The following BPIFB2 variants were observed in gnomAD, a reference collection of about 807,000 sequenced individuals.
BPIFB2 encodes the protein BPI fold containing family B member 2, also known as BPI fold-containing family B member 2.
Under a neutral mutation model 50.1 loss-of-function variants are expected in BPIFB2, and 39 were observed. The ratio of observed to expected loss-of-function variants is 0.78; its 90% CI spans 0.60 to 1.02. BPIFB2 has a LOEUF of 1.02. Ranked by LOEUF, BPIFB2 falls within the 50% of genes least tolerant of loss-of-function variation. The pLI is 0.00. For synonymous variants in BPIFB2, 280 were observed against 256.3 expected, an observed-to-expected ratio of 1.09 and a Z score of -0.88; for missense variants, 574 against 585.8, an observed-to-expected ratio of 0.98 and a Z score of 0.21.
chr20:33,019,515 G>C, intron 10 of BPIFB2, 65 bp from the exon 11 acceptor site: 3 of 1,485,018 alleles, frequency 2.0e-6, no homozygotes, highest in Non-Finnish European at 2.7e-6. Context: ...CATTTGAGGA[G>C]TGACTGACCA....
rs1216041150 is a variant in BPIFB2, at chr20:33,019,731, C to T, written c.1061C>T (p.Ser354Phe). 2 of 1,608,082 alleles carry T rather than the reference C, an allele frequency of 1.2e-6. No homozygotes were observed. Among genetic ancestry groups the T allele is most frequent in the East Asian group, 2.2e-5 (1 of 44,764 alleles). The change falls in exon 11 of 16, where the codon TCC (serine) becomes TTC (phenylalanine). Residue 354 changes from serine to phenylalanine, a missense_variant. Physicochemically the swap from Ser to Phe is radical, Grantham distance 155. Transcript: ENST00000170150. ...LATASNSAFQ[S>F]LFSLDVVVNL... The stretch of plus-strand genomic sequence containing the variant: ...ACAGCCTCCAACTCGGCTTTCCAGT[C>T]CCTCTTCTCCCTGGATGTGGTGAGT...
intron 4 of BPIFB2, 100 bp from the exon 5 acceptor site, chr20:33,013,710 G>A (rs1017052414): frequency 5.9e-5 from 88 of 1,488,472 alleles, no homozygotes; most frequent in Non-Finnish European, 7.7e-5. Context: ...TGGGCCAAGT[G>A]GAGGGCAGGC....
At chr20:33,015,639 G>A (rs943515070) in intron 6 of BPIFB2, 143 bp downstream of exon 6, 11 of 774,128 alleles carry the variant, frequency 1.4e-5, no homozygotes, top group Non-Finnish European at 2.0e-5. Flanking sequence ...TCCCCATGAA[G>A]GCAGGGAAAA....
At position 33,018,994 on chromosome 20, in the gene BPIFB2, G is replaced by C; in HGVS notation, c.856-68G>C. 5 of 1,605,920 alleles carry C rather than the reference G, an allele frequency of 3.1e-6. No individual in the cohort carries two copies. The South Asian group carries it at 5.5e-5, about 18-fold the overall frequency. On this transcript the variant is annotated intron_variant, in intron 9 of 15. Coordinates refer to ENST00000170150, the MANE Select transcript of BPIFB2 (RefSeq NM_025227.3). Reference sequence around the variant, plus strand: ...GCTATGGGGAGCGATTGCTCAGGGGGAAAGTGGTGATCTGTCTTGGGGAGC... The same window carrying C: ...GCTATGGGGAGCGATTGCTCAGGGGCAAAGTGGTGATCTGTCTTGGGGAGC...
intron 11 of BPIFB2, 84 bp from the exon 12 acceptor site, chr20:33,020,244 G>A: frequency 9.6e-6 from 13 of 1,352,716 alleles, no homozygotes; most frequent in Non-Finnish European, 1.4e-5. Flanking sequence ...GCCTGAATGA[G>A]TCGGGGGATG....
Position 33,018,628 on chromosome 20 carries a change from C to A in BPIFB2, c.670-9C>A, listed in dbSNP as rs767552641. 216 of 1,599,918 alleles carry A rather than the reference C, an allele frequency of 1.4e-4. No individual in the cohort carries two copies. The highest frequency in any genetic ancestry group is 1.7e-4 in the Non-Finnish European group (200 of 1,171,958). On this transcript the variant is annotated splice_polypyrimidine_tract_variant and intron_variant, in intron 8 of 15. Coordinates refer to ENST00000170150, the MANE Select transcript of BPIFB2 (RefSeq NM_025227.3). Reference sequence around the variant, plus strand: ...GCTTTTCTCCCACTTCCCCCTCCCACCCCTACAGGCTGTTCTCTTCCTGCT... The same window carrying A: ...GCTTTTCTCCCACTTCCCCCTCCCAACCCTACAGGCTGTTCTCTTCCTGCT...
intron 12 of BPIFB2, 56 bp from the exon 13 acceptor site, chr20:33,020,486 G>A: frequency 6.3e-7 from 1 of 1,595,882 alleles, no homozygotes; most frequent in Admixed American, 1.7e-5. Context: ...TAGCCAGGGA[G>A]CCTGGGCGTA....
intron 7 of BPIFB2, 25 bp downstream of exon 7, chr20:33,017,127 G>C (rs780711052): frequency 1.9e-6 from 3 of 1,610,194 alleles, no homozygotes; most frequent in Middle Eastern, 3.7e-4. Flanking sequence ...CCAGGGGAGG[G>C]GGCTGGGGCC....
At chr20:33,019,884 C>A (rs1311826418) in intron 11 of BPIFB2, 134 bp downstream of exon 11, 11 of 1,192,850 alleles carry the variant, frequency 9.2e-6, no homozygotes, top group African/African-American at 1.5e-5. Context: ...GACACTCCCG[C>A]CCCAGGACCT....
chr20:33,018,117 C>T (rs892622489), intron 7 of BPIFB2, 142 bp from the exon 8 acceptor site: 1 of 633,674 alleles, frequency 1.6e-6, no homozygotes, highest in African/African-American at 1.9e-5. Context: ...TATTCAGAGG[C>T]TTGCTCTGCC....
chr20:33,021,514 G>A (rs1978671678), intron 14 of BPIFB2, among the ~76,000 whole-genome samples, 170 bp downstream of exon 14: 2 of 152,182 alleles, frequency 1.3e-5, no homozygotes, highest in South Asian at 4.1e-4. Flanking sequence ...TATCTGTGTA[G>A]CAGCTGTGTG....
Position 33,014,080 on chromosome 20 carries a change from G to A in BPIFB2, c.455+124G>A, listed in dbSNP as rs115976602. 3.5e-3 allele frequency: 4,507 copies of A among 1,294,008 alleles called. 128 individuals are homozygous for A. In the African/African-American group the frequency reaches 0.06, roughly 17 times the overall value. 80.2% of individuals were successfully genotyped at this position (1,294,008 alleles called of 1,614,324 possible). A position where few individuals can be genotyped will look rare whatever the true frequency, so the allele number is the denominator to read the frequency against. ...AAGGGCCTCAGGGGCCCCCATTATT[G>A]TGCTTGTTTTATGTCGGAGGACACT... On this transcript the variant is annotated intron_variant, in intron 5 of 15. Coordinates refer to ENST00000170150, the MANE Select transcript of BPIFB2 (RefSeq NM_025227.3).
rs1346072565 is a variant in BPIFB2, at chr20:33,019,766, C to T, written c.1080+16C>T. On this transcript the variant is annotated intron_variant, in intron 11 of 15. Coordinates refer to ENST00000170150, the MANE Select transcript of BPIFB2 (RefSeq NM_025227.3). Reference sequence around the variant, plus strand: ...CCTGGATGTGGTGAGTGCGGTGGGGCTGGTCGGAAGGCAGGCAACTGTCAC... The same window carrying T: ...CCTGGATGTGGTGAGTGCGGTGGGGTTGGTCGGAAGGCAGGCAACTGTCAC... 6.4e-7 allele frequency: 1 copy of T among 1,570,760 alleles called. No individual in the cohort carries two copies. The highest frequency in any genetic ancestry group is 1.8e-5 in the Admixed American group (1 of 55,666).
chr20:33,015,317 G>A (rs1600512917), intron 5 of BPIFB2, 119 bp from the exon 6 acceptor site: 1 of 831,224 alleles, frequency 1.2e-6, no homozygotes, highest in Admixed American at 2.8e-5. Flanking sequence ...GCATCGAATG[G>A]AATTGATTGG....
Position 33,021,434 on chromosome 20 carries a change from C to T in BPIFB2, c.1258+90C>T, listed in dbSNP as rs574640220. 4.2e-6 allele frequency: 6 copies of T among 1,413,368 alleles called. No homozygotes were observed. The East Asian group carries it at 1.5e-4, about 35-fold the overall frequency. The allele number at this position is 1,413,368 out of a possible 1,614,324, so 87.6% of individuals were successfully genotyped here. A position where few individuals can be genotyped will look rare whatever the true frequency, so the allele number is the denominator to read the frequency against. On this transcript the variant is annotated intron_variant, in intron 14 of 15. Coordinates refer to ENST00000170150, the MANE Select transcript of BPIFB2 (RefSeq NM_025227.3). ...TGCTCAATCCCAGCCCCCTTCCCAC[C>T]TCCCAGGCTCACAGGGTGAGAGGGG...
intron 7 of BPIFB2, 78 bp downstream of exon 7, chr20:33,017,180 C>G (rs1978463985): frequency 2.2e-6 from 3 of 1,378,468 alleles, no homozygotes. Flanking sequence ...AAAGGCTCCA[C>G]TCTGGATCAC....
At chr20:33,015,577 C>G in intron 6 of BPIFB2, 81 bp downstream of exon 6, 2 of 1,249,172 alleles carry the variant, frequency 1.6e-6, no homozygotes. Flanking sequence ...GGATTTCAGG[C>G]AGGGGGTACT....
chr20:33,011,486 C>T (rs1274661687), intron 3 of BPIFB2, among the ~76,000 whole-genome samples: 2 of 152,206 alleles, frequency 1.3e-5, no homozygotes, highest in African/African-American at 2.4e-5. Flanking sequence ...TCTGAGCCTC[C>T]TTTACCTCCA....
chr20:33,018,340 TG>T lies in BPIFB2; in HGVS notation c.661del (p.Glu221LysfsTer65). 1 of 1,613,048 alleles carries T rather than the reference TG, an allele frequency of 6.2e-7. No individual in the cohort carries two copies. Among genetic ancestry groups the T allele is most frequent in the Non-Finnish European group, 8.5e-7 (1 of 1,179,086 alleles). On this transcript the variant is annotated frameshift_variant, in exon 8 of 16. Transcript: ENST00000170150. LOFTEE classifies it high-confidence loss of function. ...ACTGTCACCAGTGACTACATTTCCCTGGAAGTCAATGTAAGTGCCTCCTGGC... is the reference window on the plus strand; with the variant it reads ...ACTGTCACCAGTGACTACATTTCCCTGAAGTCAATGTAAGTGCCTCCTGGC... ...VPTVTSDYIS[L>X]EVNAVLFLLG...
Sources: gnomAD v4.1 joint callset for allele counts (sites outside exome capture counted in the v4.1 genomes callset) on GRCh38, gnomAD v4.1.1 for gene constraint, MANE v1.5 for transcripts, NCBI Gene and HGNC (gene_info 2026-07-23, HGNC 2026-07-21) for gene names.